Variants in ADAMTSL1 observed in about 807,000 individuals in gnomAD.
ADAMTSL1 encodes the protein ADAMTS like 1.
In ADAMTSL1, 126 loss-of-function variants were observed where a neutral mutation model predicts 201.8. That is an observed-to-expected ratio of 0.62 (90% CI 0.54 to 0.72). The LOEUF (loss-of-function observed/expected upper bound fraction) is 0.72, where lower values mean the gene tolerates loss of function less well. ADAMTSL1 is among the 30% of genes least tolerant of loss of function. The pLI is 0.00. For synonymous variants in ADAMTSL1, 1,121 were observed against 903.4 expected, an observed-to-expected ratio of 1.24 and a Z score of -4.32; for missense variants, 2,679 against 2,277.8, an observed-to-expected ratio of 1.18 and a Z score of -3.59.
chr9:18,683,400 AT>A lies in ADAMTSL1; in HGVS notation c.1490-1304del, dbSNP rs112638357. ...CTGCCGTGCCCAGCTAATTTTTTGT[AT>A]TTTTTTTTTTTGGTAGAGACGGGGT... On this transcript the variant is annotated intron_variant, in intron 12 of 28. Coordinates refer to ENST00000380548, the MANE Select transcript of ADAMTSL1 (RefSeq NM_001040272.6). Among the ~76,000 whole-genome samples, 450 of 140,160 alleles carry A rather than the reference AT, an allele frequency of 3.2e-3. 1 individual carries two copies. The highest frequency in any genetic ancestry group is 8.6e-3 in the African/African-American group (329 of 38,068). 92.0% of individuals were successfully genotyped at this position (140,160 alleles called of 152,430 possible).
chr9:18,084,026 T>A (rs1210210696), intron 1 of ADAMTSL1, among the ~76,000 whole-genome samples: 1 of 152,048 alleles, frequency 6.6e-6, no homozygotes, highest in Non-Finnish European at 1.5e-5. Flanking sequence ...CAAGGAAAAA[T>A]GTTTACTGAT....
intron 1 of ADAMTSL1, among the ~76,000 whole-genome samples, chr9:18,143,967 G>A (rs1213919374): frequency 6.6e-6 from 1 of 152,142 alleles, no homozygotes; most frequent in African/African-American, 2.4e-5. Flanking sequence ...AAGATTTCTG[G>A]TGGGAACGTT....
At chr9:18,155,805 G>A (rs1827127586) in intron 1 of ADAMTSL1, among the ~76,000 whole-genome samples, 1 of 151,984 alleles carries the variant, frequency 6.6e-6, no homozygotes, top group South Asian at 2.1e-4. Context: ...GCAAACATTA[G>A]GTCTAGTCCA....
intron 1 of ADAMTSL1, among the ~76,000 whole-genome samples, chr9:18,055,893 G>T (rs551471237): frequency 5.3e-5 from 8 of 152,322 alleles, no homozygotes; most frequent in Middle Eastern, 3.4e-3. Flanking sequence ...AGGCCAATCA[G>T]CTATTAACTA....
In ADAMTSL1 at chr9:18,829,990, C is replaced by T. The variant is rs1824873287; in HGVS notation, c.4249+13C>T. 1 of 1,598,708 alleles carries T rather than the reference C, an allele frequency of 6.3e-7. No homozygotes were observed. Among genetic ancestry groups the T allele is most frequent in the Non-Finnish European group, 8.5e-7 (1 of 1,172,600 alleles). The stretch of plus-strand genomic sequence containing the variant: ...TCTGCTCTCCTTGGTGAGTCTAACC[C>T]TCGGAAACATTGGGCAGAAAGCCAG... On this transcript the variant is annotated intron_variant, in intron 23 of 28. Coordinates refer to ENST00000380548, the MANE Select transcript of ADAMTSL1 (RefSeq NM_001040272.6).
intron 10 of ADAMTSL1, among the ~76,000 whole-genome samples, chr9:18,678,153 C>G (rs894058553): frequency 2.0e-5 from 3 of 152,052 alleles, no homozygotes; most frequent in Non-Finnish European, 4.4e-5. Context: ...ATCTATGCCA[C>G]TCTTGTGCAT....
intron 2 of ADAMTSL1, among the ~76,000 whole-genome samples, chr9:18,511,441 A>C (rs948053540): frequency 6.6e-6 from 1 of 152,136 alleles, no homozygotes; most frequent in Non-Finnish European, 1.5e-5. Flanking sequence ...GTTAAATATT[A>C]AAATTGAATT....
intron 2 of ADAMTSL1, among the ~76,000 whole-genome samples, chr9:18,321,661 C>T (rs1475643947): frequency 6.6e-6 from 1 of 152,072 alleles, no homozygotes; most frequent in Non-Finnish European, 1.5e-5. Context: ...GGCGTGGCAA[C>T]AGGCGCCTGT....
At chr9:17,929,767 C>T (rs760446974) in intron 1 of ADAMTSL1, among the ~76,000 whole-genome samples, 7 of 152,188 alleles carry the variant, frequency 4.6e-5, no homozygotes, top group Non-Finnish European at 7.3e-5. Flanking sequence ...CCTGGACTTC[C>T]TTCTGTGTTA....
chr9:18,483,038 C>T (rs1044804197), intron 1 of ADAMTSL1, among the ~76,000 whole-genome samples: 2 of 152,152 alleles, frequency 1.3e-5, no homozygotes, highest in African/African-American at 4.8e-5. Context: ...CCCATAGATT[C>T]ATAGAATGGT....
At chr9:18,786,996 A>G (rs1044028274) in intron 19 of ADAMTSL1, among the ~76,000 whole-genome samples, 1 of 152,246 alleles carries the variant, frequency 6.6e-6, no homozygotes, top group Non-Finnish European at 1.5e-5. Context: ...ATGGAAGTGA[A>G]GATCAGATGG....
At chr9:18,388,572 C>T (rs1039762833) in intron 2 of ADAMTSL1, among the ~76,000 whole-genome samples, 2 of 151,620 alleles carry the variant, frequency 1.3e-5, no homozygotes, top group Admixed American at 1.3e-4. Flanking sequence ...CCATGTTCGG[C>T]CTGGACTTTA....
At chr9:18,689,177 TA>T (rs1347616932) in intron 13 of ADAMTSL1, among the ~76,000 whole-genome samples, 1 of 152,082 alleles carries the variant, frequency 6.6e-6, no homozygotes, top group South Asian at 2.1e-4. Flanking sequence ...AGGTGGAAGC[TA>T]AAAAAATTAC....
intron 15 of ADAMTSL1, among the ~76,000 whole-genome samples, chr9:18,740,904 C>T (rs1437905460): frequency 6.6e-6 from 1 of 152,164 alleles, no homozygotes; most frequent in Non-Finnish European, 1.5e-5. Context: ...TGCCTGGCTA[C>T]CACTTATTCA....
At chr9:18,232,909 C>G (rs1185801682) in intron 2 of ADAMTSL1, among the ~76,000 whole-genome samples, 1 of 152,152 alleles carries the variant, frequency 6.6e-6, no homozygotes, top group African/African-American at 2.4e-5. Flanking sequence ...GGATTTTTAT[C>G]TTTTCTGAAG....
chr9:18,355,943 C>G (rs561766777), intron 2 of ADAMTSL1, among the ~76,000 whole-genome samples: 129 of 152,342 alleles, frequency 8.5e-4, no homozygotes, highest in African/African-American at 2.8e-3. Flanking sequence ...GACGCCCTGC[C>G]TGGGCCTTGC....
chr9:18,044,684 T>G (rs1821583887), intron 1 of ADAMTSL1, among the ~76,000 whole-genome samples: 1 of 152,186 alleles, frequency 6.6e-6, no homozygotes, highest in Non-Finnish European at 1.5e-5. Context: ...TTCAGTGATC[T>G]CAGTTCTAAA....
intron 2 of ADAMTSL1, among the ~76,000 whole-genome samples, chr9:18,290,219 A>G (rs1833194704): frequency 6.6e-6 from 1 of 152,046 alleles, no homozygotes; most frequent in South Asian, 2.1e-4. Flanking sequence ...ACTCATCACC[A>G]TTCCCATTAA....
intron 1 of ADAMTSL1, among the ~76,000 whole-genome samples, chr9:18,007,540 A>G (rs1819878352): frequency 1.3e-5 from 2 of 152,028 alleles, no homozygotes; most frequent in South Asian, 2.1e-4. Flanking sequence ...GATATCCAGT[A>G]TAATTTGCCG....
Sources: gnomAD v4.1 joint callset for allele counts (sites outside exome capture counted in the v4.1 genomes callset) on GRCh38, gnomAD v4.1.1 for gene constraint, MANE v1.5 for transcripts, NCBI Gene and HGNC (gene_info 2026-07-23, HGNC 2026-07-21) for gene names.